The following SLC1A2 variants were observed in gnomAD, a reference collection of about 807,000 sequenced individuals.
SLC1A2 encodes solute carrier family 1 member 2.
Under a neutral mutation model 48.8 loss-of-function variants are expected in SLC1A2, and 15 were observed. That is an observed-to-expected ratio of 0.31 (90% CI 0.21 to 0.47). The LOEUF (loss-of-function observed/expected upper bound fraction) is 0.47. Among genes scored for constraint, SLC1A2 ranks in the 20% least tolerant of loss-of-function variants. The pLI is 0.99. For missense variants in SLC1A2, 502 were observed against 730.5 expected (o/e 0.69, Z 3.61); for synonymous variants, 279 against 272.6 (o/e 1.02, Z -0.23).
chr11:35,354,280 C>A (rs887250366), intron 1 of SLC1A2, among the ~76,000 whole-genome samples: 1 of 151,622 alleles, frequency 6.6e-6, no homozygotes, highest in Admixed American at 6.6e-5. Context: ...AACAAGACCC[C>A]GTGTCTACAA....
At chr11:35,325,211 C>T (rs1424608176) in intron 1 of SLC1A2, among the ~76,000 whole-genome samples, 1 of 152,206 alleles carries the variant, frequency 6.6e-6, no homozygotes, top group African/African-American at 2.4e-5. Flanking sequence ...CTAGCTAAAA[C>T]ATCCTCTACC....
chr11:35,300,244 C>G (rs905987776), intron 6 of SLC1A2, among the ~76,000 whole-genome samples: 1 of 152,240 alleles, frequency 6.6e-6, no homozygotes, highest in African/African-American at 2.4e-5. Flanking sequence ...CTCTTCCTCT[C>G]CCTAGCTATA....
chr11:35,347,857 G>T (rs1422633940), intron 1 of SLC1A2, among the ~76,000 whole-genome samples: 2 of 152,186 alleles, frequency 1.3e-5, no homozygotes, highest in Non-Finnish European at 2.9e-5. Context: ...ACAGGTGTGA[G>T]CCACCACACT....
At chr11:35,292,965 G>A (rs1851059463) in intron 6 of SLC1A2, among the ~76,000 whole-genome samples, 1 of 140,828 alleles carries the variant, frequency 7.1e-6, no homozygotes, top group Non-Finnish European at 1.6e-5. Flanking sequence ...GGAAGATAGG[G>A]AATATATTGA....
chr11:35,285,252 T>C (rs1011598278), intron 8 of SLC1A2: 1 of 152,240 alleles, frequency 6.6e-6, no homozygotes, highest in Non-Finnish European at 1.5e-5. Flanking sequence ...CCCATAGCCA[T>C]GAGACCTAGG....
At chr11:35,395,728 A>G (rs1263211708) in intron 1 of SLC1A2, among the ~76,000 whole-genome samples, 2 of 146,520 alleles carry the variant, frequency 1.4e-5, no homozygotes, top group African/African-American at 5.1e-5. Context: ...CACATTGTGC[A>G]GGTTAGTTAC....
rs117079949 is a variant in SLC1A2 at position 35,311,141 on chromosome 11, T to C, written c.561+1057A>G. Among the ~76,000 whole-genome samples, 1,015 of 152,226 alleles carry C rather than the reference T, an allele frequency of 6.7e-3. 6 individuals are homozygous for C. The highest frequency in any genetic ancestry group is 0.01 in the Non-Finnish European group (703 of 67,990). On this transcript the variant is annotated intron_variant, in intron 4 of 10. Transcript: ENST00000278379. Reference sequence around the variant, plus strand: ...ACGTTTTATGAACAATGGAGTACCATTGGGTTAAATTCTTTTTTTTTGTTT... The same window carrying C: ...ACGTTTTATGAACAATGGAGTACCACTGGGTTAAATTCTTTTTTTTTGTTT...
Position 35,301,653 on chromosome 11 carries a change from A to G in SLC1A2, c.731-8T>C, listed in dbSNP as rs2273689. The stretch of plus-strand genomic sequence containing the variant: ...TGAAAAACCCTATCAGACCTGTTGG[A>G]TGAATCACATTACATAGAAGGACAA... On this transcript the variant is annotated splice_polypyrimidine_tract_variant and splice_region_variant and intron_variant, in intron 5 of 10. Coordinates refer to ENST00000278379, the MANE Select transcript of SLC1A2 (RefSeq NM_004171.4). 1,025,997 of 1,611,004 alleles carry G rather than the reference A, an allele frequency of 0.64. 332,185 individuals carry two copies. Among genetic ancestry groups the G allele is most frequent in the East Asian group, 0.78 (34,753 of 44,832 alleles).
At chr11:35,266,343 A>T (rs1413156092) in intron 9 of SLC1A2, among the ~76,000 whole-genome samples, 1 of 152,224 alleles carries the variant, frequency 6.6e-6, no homozygotes, top group Non-Finnish European at 1.5e-5. Flanking sequence ...GCTGTTAGAT[A>T]AGAAATCCAG....
At chr11:35,374,537 C>T (rs2135178405) in intron 1 of SLC1A2, 2 of 225,038 alleles carry the variant, frequency 8.9e-6, no homozygotes, top group South Asian at 6.5e-5. Context: ...TTGTCTTGGG[C>T]CACACATAAA....
chr11:35,401,581 G>C (rs1009440333), intron 1 of SLC1A2, among the ~76,000 whole-genome samples: 1 of 152,166 alleles, frequency 6.6e-6, no homozygotes, highest in African/African-American at 2.4e-5. Flanking sequence ...CCTTGGGTGA[G>C]AGGAGGGGTC....
chr11:35,266,821 T>C (rs572234041), intron 9 of SLC1A2, among the ~76,000 whole-genome samples: 1 of 152,360 alleles, frequency 6.6e-6, no homozygotes, highest in South Asian at 2.1e-4. Flanking sequence ...GCGGAAACTT[T>C]AATTTGTTCT....
chr11:35,284,091 A>ATATATATATATATATATATATATATT (rs1186516882), intron 8 of SLC1A2, among the ~76,000 whole-genome samples: 6 of 140,668 alleles, frequency 4.3e-5, no homozygotes, highest in Non-Finnish European at 9.2e-5. Context: ...ATTTTATTAT[A>ATATATATATATATATATATATATATT]TATATATATA....
At chr11:35,298,544 A>G (rs1362355669) in intron 6 of SLC1A2, 1 of 152,192 alleles carries the variant, frequency 6.6e-6, no homozygotes, top group Non-Finnish European at 1.5e-5. Flanking sequence ...AGAATTAAAG[A>G]AATGTGTAGA....
At chr11:35,311,739 T>C (rs1468098480) in intron 4 of SLC1A2, among the ~76,000 whole-genome samples, 2 of 152,020 alleles carry the variant, frequency 1.3e-5, no homozygotes, top group African/African-American at 4.8e-5. Context: ...GGTTTAGCTT[T>C]ACTGCCACGT....
intron 1 of SLC1A2, among the ~76,000 whole-genome samples, chr11:35,368,562 T>C (rs766922300): frequency 6.6e-6 from 1 of 152,222 alleles, no homozygotes; most frequent in Non-Finnish European, 1.5e-5. Context: ...AGTTGAGTAA[T>C]CTATCAAGCT....
chr11:35,324,656 G>A (rs1852181961), intron 1 of SLC1A2, among the ~76,000 whole-genome samples: 2 of 152,066 alleles, frequency 1.3e-5, no homozygotes. Flanking sequence ...AGTCCCAGAG[G>A]GTCCAGAGTG....
rs760776358 is a variant in SLC1A2, at chr11:35,418,989, C to T, written c.-23G>A. 15 of 1,560,448 alleles carry T rather than the reference C, an allele frequency of 9.6e-6. No individual in the cohort carries two copies. The highest frequency in any genetic ancestry group is 2.7e-5 in the African/African-American group (2 of 73,552). Reference sequence around the variant, plus strand: ...CATGGTCTGGGGAACGCCCCCTCCTCTTCAGCACTATCCGGCAGCTGTGGG... The same window carrying T: ...CATGGTCTGGGGAACGCCCCCTCCTTTTCAGCACTATCCGGCAGCTGTGGG... On this transcript the variant is annotated 5_prime_UTR_variant, in exon 1 of 11. Coordinates refer to ENST00000278379, the MANE Select transcript of SLC1A2 (RefSeq NM_004171.4).
chr11:35,399,053 T>C (rs982271191), intron 1 of SLC1A2, among the ~76,000 whole-genome samples: 3 of 152,270 alleles, frequency 2.0e-5, no homozygotes, highest in African/African-American at 7.2e-5. Flanking sequence ...GACACTTCAT[T>C]TGAGAGAGTT....
Sources: gnomAD v4.1 joint callset for allele counts (sites outside exome capture counted in the v4.1 genomes callset) on GRCh38, gnomAD v4.1.1 for gene constraint, MANE v1.5 for transcripts, NCBI Gene and HGNC (gene_info 2026-07-23, HGNC 2026-07-21) for gene names.